The following PCM1 variants were observed in gnomAD, a reference collection of about 807,000 sequenced individuals.
PCM1 encodes the protein pericentriolar material 1.
Under a neutral mutation model 241.9 loss-of-function variants are expected in PCM1, and 157 were observed. That is an observed-to-expected ratio of 0.65 (90% CI 0.57 to 0.74). The LOEUF (loss-of-function observed/expected upper bound fraction) is 0.74, where lower values mean the gene tolerates loss of function less well. Ranked by LOEUF, PCM1 falls within the 30% of genes least tolerant of loss-of-function variation. The probability of loss-of-function intolerance (pLI) is 0.00; values close to 1 mark genes in which losing one functional copy is unlikely to be tolerated. For missense variants in PCM1, 3,478 were observed against 2,360.1 expected (o/e 1.47, Z -9.81); for synonymous variants, 1,085 against 784.9 (o/e 1.38, Z -6.39).
chr8:17,952,430 C>G (rs2066421647), intron 8 of PCM1, among the ~76,000 whole-genome samples: 1 of 151,950 alleles, frequency 6.6e-6, no homozygotes, highest in Non-Finnish European at 1.5e-5. Flanking sequence ...CTAGTGAATC[C>G]AAGACCTCTG....
intron 23 of PCM1, among the ~76,000 whole-genome samples, chr8:17,975,483 G>A (rs1373137808): frequency 6.6e-6 from 1 of 152,064 alleles, no homozygotes; most frequent in Non-Finnish European, 1.5e-5. Flanking sequence ...ATATCTTAAA[G>A]GAAGTGGTAA....
At chr8:17,987,717 G>A (rs1275380064) in intron 26 of PCM1, among the ~76,000 whole-genome samples, 2 of 151,776 alleles carry the variant, frequency 1.3e-5, no homozygotes, top group East Asian at 1.9e-4. Context: ...ACAATATCCA[G>A]TGTTGATACT....
intron 26 of PCM1, among the ~76,000 whole-genome samples, chr8:17,986,514 A>C (rs997930279): frequency 6.6e-6 from 1 of 151,040 alleles, no homozygotes; most frequent in East Asian, 1.9e-4. Context: ...AAAGTCTTCC[A>C]GGAAAAAAAT....
At chr8:17,955,890 G>A (rs532584691) in intron 10 of PCM1, 7 of 518,130 alleles carry the variant, frequency 1.4e-5, no homozygotes, top group Non-Finnish European at 2.4e-5. Flanking sequence ...TCAAATAAAG[G>A]ATCAAAAATA....
intron 29 of PCM1, among the ~76,000 whole-genome samples, chr8:18,001,995 C>CTTTTTTTTTTTTTTTTT (rs1166401113): frequency 4.3e-5 from 1 of 23,404 alleles, no homozygotes; most frequent in Non-Finnish European, 6.5e-5. Context: ...TCTAACCTTT[C>CTTTTTTTTTTTTTTTTT]TTTTTTTTTT....
At position 17,956,794 on chromosome 8, in the gene PCM1, G is replaced by A; in HGVS notation, c.1646+17G>A. On this transcript the variant is annotated intron_variant, in intron 11 of 38. Transcript: ENST00000325083. The stretch of plus-strand genomic sequence containing the variant: ...TAACATTCGGTAAGAACTTTTCTGG[G>A]GATGTTTTTCCAGCATATTCATTCT... 6.3e-7 allele frequency: 1 copy of A among 1,589,492 alleles called. No individual in the cohort carries two copies. The highest frequency in any genetic ancestry group is 1.7e-5 in the Admixed American group (1 of 58,278).
At chr8:17,994,693 C>T (rs111863680) in intron 29 of PCM1, among the ~76,000 whole-genome samples, 8,485 of 151,742 alleles carry the variant, frequency 0.056, 826 homozygotes, top group African/African-American at 0.19. Flanking sequence ...CACATCCTCG[C>T]CAGCATTTAT....
chr8:18,010,718 C>A, intron 32 of PCM1, 50 bp downstream of exon 32: 1 of 1,359,514 alleles, frequency 7.4e-7, no homozygotes, highest in Non-Finnish European at 1.0e-6. Flanking sequence ...CGCGGTGGCT[C>A]ACCCCCGTAA....
At chr8:17,989,354 A>G (rs1203362638) in intron 26 of PCM1, among the ~76,000 whole-genome samples, 1 of 152,036 alleles carries the variant, frequency 6.6e-6, no homozygotes, top group South Asian at 2.1e-4. Flanking sequence ...GAATCTGGTT[A>G]CATGAGTGTA....
intron 30 of PCM1, 43 bp from the exon 31 acceptor site, chr8:18,009,504 A>T: frequency 8.2e-7 from 1 of 1,218,268 alleles, no homozygotes; most frequent in Non-Finnish European, 1.2e-6. Flanking sequence ...TTTATAATTG[A>T]AGTTTACTGT....
intron 1 of PCM1, among the ~76,000 whole-genome samples, chr8:17,924,416 G>A (rs1424771830): frequency 2.0e-5 from 3 of 152,184 alleles, no homozygotes. Flanking sequence ...GTAAACTTTG[G>A]CATAGACTAT....
In PCM1 at chr8:17,993,615, T is replaced by G; in HGVS notation, c.4823T>G (p.Leu1608Trp). The G allele has an allele frequency of 1.3e-6, 2 of 1,579,358 alleles. No individual in the cohort carries two copies. The highest frequency in any genetic ancestry group is 1.7e-6 in the Non-Finnish European group (2 of 1,162,140). The change falls in exon 29 of 39, where the codon TTG becomes TGG. Residue 1608 changes from leucine to tryptophan, a missense_variant. By Grantham distance (61) the Leu-to-Trp change is moderately conservative. Transcript: ENST00000325083. ...ATTATGAAAGAAGTCATTCCTTTTT[T>G]GAAGGTAAGCAATTATTTTAAAAAA... ...KAIMKEVIPFLKEHMDEVCSS... is the reference protein window; with the variant it reads ...KAIMKEVIPFWKEHMDEVCSS...
intron 6 of PCM1, among the ~76,000 whole-genome samples, chr8:17,941,852 T>A (rs1361958828): frequency 7.0e-6 from 1 of 141,920 alleles, no homozygotes; most frequent in Non-Finnish European, 1.5e-5. Context: ...TTTACAATAT[T>A]AACTTGGGAA....
At chr8:18,022,763 G>A (rs1011945248) in intron 36 of PCM1, among the ~76,000 whole-genome samples, 1 of 152,114 alleles carries the variant, frequency 6.6e-6, no homozygotes, top group Non-Finnish European at 1.5e-5. Flanking sequence ...CCTATATAAT[G>A]ACACATATTT....
Position 17,962,083 on chromosome 8 carries a change from C to G in PCM1, c.2372C>G (p.Ala791Gly), listed in dbSNP as rs1401011274. The G allele has an allele frequency of 1.2e-6, 2 of 1,611,568 alleles. No homozygotes were observed. The highest frequency in any genetic ancestry group is 1.7e-4 in the Middle Eastern group (1 of 6,056). The change falls in exon 16 of 39, where the codon GCT becomes GGT. Residue 791 changes from alanine to glycine, a missense_variant. Physicochemically the swap from Ala to Gly is moderately conservative, Grantham distance 60 (BLOSUM62 0). Coordinates refer to ENST00000325083, the MANE Select transcript of PCM1 (RefSeq NM_006197.4). The stretch of plus-strand genomic sequence containing the variant: ...TGTCCCACCAAAAAATATATGCCAG[C>G]TGTTACTTCAACCCCAACTGTTAAT... ...GNCPTKKYMPAVTSTPTVNQH... is the reference protein window; with the variant it reads ...GNCPTKKYMPGVTSTPTVNQH...
chr8:18,027,932 T>G lies in PCM1; in HGVS notation c.*270T>G, dbSNP rs565236039. Reference sequence around the variant, plus strand: ...CCCATTGTGATGTTTGGTAACGAATTTAAAATGTAGTTTTAAATAAAGTTT... The same window carrying G: ...CCCATTGTGATGTTTGGTAACGAATGTAAAATGTAGTTTTAAATAAAGTTT... On this transcript the variant is annotated 3_prime_UTR_variant, in exon 39 of 39. Transcript: ENST00000325083. 7 of 358,592 alleles carry G rather than the reference T, an allele frequency of 2.0e-5. No homozygotes were observed. The highest frequency in any genetic ancestry group is 4.5e-5 in the Admixed American group (1 of 22,230). The allele number at this position is 358,592 out of a possible 1,614,324, so 22.2% of individuals were successfully genotyped here.
At chr8:18,009,292 T>C in intron 30 of PCM1, among the ~76,000 whole-genome samples, 1 of 152,190 alleles carries the variant, frequency 6.6e-6, no homozygotes, top group East Asian at 1.9e-4. Context: ...TCTGAATTCA[T>C]TTGTGCCCAG....
intron 2 of PCM1, among the ~76,000 whole-genome samples, chr8:17,931,073 G>T (rs1342673161): frequency 1.3e-5 from 2 of 152,096 alleles, no homozygotes; most frequent in African/African-American, 4.8e-5. Context: ...CAACCTGATA[G>T]ATTAGACTTT....
chr8:18,011,591 A>G (rs1027413178), intron 33 of PCM1, 76 bp from the exon 34 acceptor site: 22 of 1,328,642 alleles, frequency 1.7e-5, no homozygotes, highest in Non-Finnish European at 2.3e-5. Flanking sequence ...TGTGCCATGC[A>G]GGAATGCAGT....
Sources: allele counts gnomAD v4.1 joint callset (sites outside exome capture counted in the v4.1 genomes callset), GRCh38; gene constraint gnomAD v4.1.1; transcripts MANE v1.5; gene names NCBI Gene and HGNC (gene_info 2026-07-23, HGNC 2026-07-21).